BBS9: variants seen among roughly 807,000 people sequenced by gnomAD.
BBS9 encodes Bardet-Biedl syndrome 9, also known as protein PTHB1.
A neutral mutation model predicts 117.7 loss-of-function variants in BBS9; 89 were observed. That is an observed-to-expected ratio of 0.76 (90% CI 0.64 to 0.90). BBS9 has a LOEUF of 0.90. Among genes scored for constraint, BBS9 ranks in the 40% least tolerant of loss-of-function variants. The pLI, the probability that BBS9 is intolerant of heterozygous loss-of-function variation, is 0.00. For missense variants in BBS9, 982 were observed against 1,042.2 expected, an observed-to-expected ratio of 0.94 and a Z score of 0.80; for synonymous variants, 379 against 370.9, an observed-to-expected ratio of 1.02 and a Z score of -0.25.
chr7:33,505,695 C>T (rs373371997), intron 20 of BBS9, 50 bp downstream of exon 20: 1,076 of 1,593,184 alleles, frequency 6.8e-4, no homozygotes, highest in Non-Finnish European at 8.3e-4. Context: ...ATTGAAGTTT[C>T]GGCTTTAGGA....
At chr7:33,275,890 T>A (rs150928737) in intron 9 of BBS9, among the ~76,000 whole-genome samples, 268 of 152,236 alleles carry the variant, frequency 1.8e-3, no homozygotes, top group African/African-American at 6.2e-3. Context: ...ATATTATGAG[T>A]AAAACACCAA....
chr7:33,546,070 A>C, intron 21 of BBS9, among the ~76,000 whole-genome samples: 1 of 150,968 alleles, frequency 6.6e-6, no homozygotes, highest in East Asian at 2.0e-4. Context: ...AGGAGCTGGG[A>C]CTACAGGCGC....
chr7:33,173,405 C>T (rs10260015), intron 4 of BBS9, among the ~76,000 whole-genome samples: 41,312 of 151,418 alleles, frequency 0.27, 6,419 homozygotes, highest in Admixed American at 0.42. Context: ...ACCGTGAAAC[C>T]CCATCTCTAT....
intron 5 of BBS9, among the ~76,000 whole-genome samples, chr7:33,247,244 G>T (rs1414954735): frequency 6.6e-6 from 1 of 151,934 alleles, no homozygotes; most frequent in African/African-American, 2.4e-5. Context: ...TGCTTGCTAG[G>T]TACTAGGCAG....
intron 10 of BBS9, 83 bp from the exon 11 acceptor site, chr7:33,340,814 G>A: frequency 1.7e-6 from 2 of 1,157,962 alleles, no homozygotes; most frequent in Non-Finnish European, 2.5e-6. Flanking sequence ...TTTTATATGT[G>A]GTATAGACAA....
intron 15 of BBS9, among the ~76,000 whole-genome samples, chr7:33,353,078 A>G (rs1000840446): frequency 4.6e-5 from 7 of 152,146 alleles, no homozygotes; most frequent in African/African-American, 1.7e-4. Context: ...GTTGTTTCGG[A>G]GTCATGAGAA....
At chr7:33,560,059 A>T (rs1157648494) in intron 21 of BBS9, among the ~76,000 whole-genome samples, 1 of 152,058 alleles carries the variant, frequency 6.6e-6, no homozygotes, top group Non-Finnish European at 1.5e-5. Context: ...CAGATACCGT[A>T]TCTGGGATTG....
At chr7:33,234,180 C>G (rs908800131) in intron 5 of BBS9, among the ~76,000 whole-genome samples, 1 of 151,952 alleles carries the variant, frequency 6.6e-6, no homozygotes, top group African/African-American at 2.4e-5. Flanking sequence ...ATTACTATGT[C>G]TAATTTATAA....
At position 33,264,303 on chromosome 7, in the gene BBS9, G is replaced by A. The variant is rs1798439127; in HGVS notation, c.631G>A (p.Ala211Thr). The A allele has an allele frequency of 1.9e-6, 3 of 1,547,470 alleles. No individual in the cohort carries two copies. The East Asian group carries it at 6.9e-5, about 36-fold the overall frequency. The change falls in exon 7 of 23, where the codon GCT becomes ACT. Residue 211 changes from alanine (A) to threonine (T), a missense_variant. Transcript: ENST00000242067. ...TCTTTCATACAGGTACCAGGTACTT[G>A]CTTTTGCAACAGATGCAGATAAAAG... ...QVESYKYQVL[A>T]FATDADKRQE... is the part of the protein sequence containing the mutation.
chr7:33,614,883 G>A (rs915874528), intron 21 of BBS9, among the ~76,000 whole-genome samples: 9 of 151,980 alleles, frequency 5.9e-5, no homozygotes, highest in African/African-American at 1.9e-4. Context: ...TCTTAACAAG[G>A]CCTTCCTTCA....
chr7:33,298,016 T>A (rs1341701915), intron 9 of BBS9, among the ~76,000 whole-genome samples: 1 of 152,144 alleles, frequency 6.6e-6, no homozygotes, highest in Admixed American at 6.6e-5. Flanking sequence ...GTTCTCTTAT[T>A]TGTTGGTAAA....
chr7:33,391,190 C>G (rs187620819), intron 19 of BBS9, among the ~76,000 whole-genome samples: 3 of 152,162 alleles, frequency 2.0e-5, no homozygotes, highest in Admixed American at 2.0e-4. Context: ...AGGTAGGGAG[C>G]ATGATTTACT....
chr7:33,519,937 A>G (rs73688899), intron 20 of BBS9, among the ~76,000 whole-genome samples: 18,068 of 151,900 alleles, frequency 0.12, 1,449 homozygotes, highest in Admixed American at 0.27. Context: ...TATAATACCC[A>G]CTCATAGGGT....
intron 4 of BBS9, among the ~76,000 whole-genome samples, chr7:33,175,268 C>G (rs979626599): frequency 6.6e-6 from 1 of 151,712 alleles, no homozygotes; most frequent in African/African-American, 2.4e-5. Context: ...CCACTGAACT[C>G]CATCCTGTGC....
At chr7:33,234,531 A>G (rs2128267942) in intron 5 of BBS9, among the ~76,000 whole-genome samples, 1 of 152,140 alleles carries the variant, frequency 6.6e-6, no homozygotes, top group South Asian at 2.1e-4. Flanking sequence ...ACTATGTACA[A>G]TACAATATTT....
At chr7:33,239,573 A>C (rs1794123769) in intron 5 of BBS9, among the ~76,000 whole-genome samples, 1 of 151,962 alleles carries the variant, frequency 6.6e-6, no homozygotes, top group Admixed American at 6.6e-5. Context: ...CCATGCCCCA[A>C]CTTTGCCTAA....
intron 5 of BBS9, among the ~76,000 whole-genome samples, chr7:33,225,547 G>A (rs1791088393): frequency 6.6e-6 from 1 of 152,058 alleles, no homozygotes; most frequent in South Asian, 2.1e-4. Context: ...TTTAGCCAAG[G>A]GAGCTTTTCC....
chr7:33,249,592 A>C (rs942493230), intron 5 of BBS9, among the ~76,000 whole-genome samples: 1 of 152,058 alleles, frequency 6.6e-6, no homozygotes, highest in Non-Finnish European at 1.5e-5. Context: ...ATTTGTTTCC[A>C]GATCTTACAA....
chr7:33,251,356 T>C (rs1280578575), intron 5 of BBS9, among the ~76,000 whole-genome samples: 3 of 152,240 alleles, frequency 2.0e-5, no homozygotes, highest in Admixed American at 6.5e-5. Flanking sequence ...AAATTATCCC[T>C]GAACCAATCA....
Sources: gnomAD v4.1 joint callset for allele counts (sites outside exome capture counted in the v4.1 genomes callset) on GRCh38, gnomAD v4.1.1 for gene constraint, MANE v1.5 for transcripts, NCBI Gene and HGNC (gene_info 2026-07-23, HGNC 2026-07-21) for gene names.